The following OSTN variants were observed in gnomAD, a reference collection of about 807,000 sequenced individuals.
OSTN encodes osteocrin.
OSTN carries 9 observed loss-of-function variants against 12.0 expected under a neutral mutation model. The ratio of observed to expected loss-of-function variants is 0.75; its 90% CI spans 0.45 to 1.30. The LOEUF (loss-of-function observed/expected upper bound fraction) is 1.30. Ranked by LOEUF, OSTN falls within the 50% of genes most tolerant of loss-of-function variation. The probability of loss-of-function intolerance (pLI) is 0.00; values close to 1 mark genes in which losing one functional copy is unlikely to be tolerated. For synonymous variants in OSTN, 59 were observed against 56.9 expected (o/e 1.04, Z -0.16); for missense variants, 148 against 152.3 (o/e 0.97, Z 0.15).
intron 2 of OSTN, among the ~76,000 whole-genome samples, chr3:191,218,203 A>C (rs1714670007): frequency 1.3e-5 from 2 of 152,218 alleles, no homozygotes; most frequent in Admixed American, 6.5e-5. Context: ...TAAATATGCT[A>C]AATTTTAAAG....
chr3:191,247,330 T>A (rs184423599), intron 3 of OSTN, among the ~76,000 whole-genome samples: 1 of 152,314 alleles, frequency 6.6e-6, no homozygotes. Context: ...TAATTTTTCA[T>A]CAAGAAATGT....
chr3:191,222,792 A>G (rs903830169), intron 3 of OSTN, among the ~76,000 whole-genome samples: 1 of 151,878 alleles, frequency 6.6e-6, no homozygotes, highest in Non-Finnish European at 1.5e-5. Flanking sequence ...GACCAGTGGG[A>G]GGTAATTGAA....
chr3:191,238,446 G>A (rs890829258), intron 3 of OSTN, among the ~76,000 whole-genome samples: 1 of 152,106 alleles, frequency 6.6e-6, no homozygotes, highest in Admixed American at 6.5e-5. Flanking sequence ...GAAGTAGAGG[G>A]AAAAGTCAAT....
intron 2 of OSTN, among the ~76,000 whole-genome samples, chr3:191,218,430 T>TGG (rs1714676980): frequency 6.6e-6 from 1 of 152,134 alleles, no homozygotes; most frequent in African/African-American, 2.4e-5. Flanking sequence ...GAGACCAGCC[T>TGG]GGCCAACATG....
chr3:191,224,307 C>T (rs909828098), intron 3 of OSTN, among the ~76,000 whole-genome samples: 1 of 149,702 alleles, frequency 6.7e-6, no homozygotes, highest in Non-Finnish European at 1.5e-5. Context: ...AGAATGGCAG[C>T]AGAGGTTGCA....
intron 1 of OSTN, 109 bp from the exon 2 acceptor site, chr3:191,212,424 C>T (rs996661797): frequency 6.7e-6 from 3 of 446,376 alleles, no homozygotes; most frequent in African/African-American, 2.0e-5. Context: ...ATACTGAAGC[C>T]GAATAATTTG....
intron 4 of OSTN, among the ~76,000 whole-genome samples, chr3:191,253,271 CA>C (rs1715600284): frequency 6.6e-6 from 1 of 152,184 alleles, no homozygotes; most frequent in Non-Finnish European, 1.5e-5. Flanking sequence ...TTCACTTTAA[CA>C]CTTCCTATTA....
At chr3:191,223,786 T>C (rs1468294832) in intron 3 of OSTN, among the ~76,000 whole-genome samples, 2 of 152,118 alleles carry the variant, frequency 1.3e-5, no homozygotes, top group Non-Finnish European at 2.9e-5. Flanking sequence ...AGAGAAATCC[T>C]GTATGTAATA....
intron 3 of OSTN, among the ~76,000 whole-genome samples, chr3:191,247,091 A>T (rs546261468): frequency 1.3e-5 from 2 of 152,332 alleles, no homozygotes; most frequent in South Asian, 2.1e-4. Context: ...CACGAGGAAA[A>T]TAACTGCGTA....
intron 3 of OSTN, among the ~76,000 whole-genome samples, chr3:191,242,709 G>A (rs879397040): frequency 2.0e-5 from 3 of 151,968 alleles, no homozygotes; most frequent in Non-Finnish European, 4.4e-5. Flanking sequence ...TAATTTCAAC[G>A]TATTAAAAAC....
chr3:191,229,121 G>A (rs1714986478), intron 3 of OSTN, among the ~76,000 whole-genome samples: 3 of 152,216 alleles, frequency 2.0e-5, no homozygotes. Context: ...AATCCAGACT[G>A]TGGGAAACTA....
chr3:191,207,310 G>C (rs1389437066), intron 1 of OSTN, among the ~76,000 whole-genome samples: 2 of 152,016 alleles, frequency 1.3e-5, no homozygotes, highest in Non-Finnish European at 2.9e-5. Context: ...ATTTCTAATT[G>C]TTGGATCAAC....
At position 191,254,212 on chromosome 3, in the gene OSTN, C is replaced by T. The variant is rs116226880; in HGVS notation, c.*12+4079C>T. Among the ~76,000 whole-genome samples, 1,498 of 152,156 alleles carry T rather than the reference C, an allele frequency of 9.8e-3. 11 individuals are homozygous for T. The highest frequency in any genetic ancestry group is 0.016 in the Non-Finnish European group (1,078 of 67,984). On this transcript the variant is annotated intron_variant, in intron 4 of 4. Transcript: ENST00000682035. ...GTATTTCTAAGGAAATAGAAAAAAA[C>T]AAGGGTTAAACAGAGGTTAAAAACT... is the stretch of plus-strand genomic sequence containing the variant.
At chr3:191,230,979 G>A (rs1298825020) in intron 3 of OSTN, among the ~76,000 whole-genome samples, 3 of 152,134 alleles carry the variant, frequency 2.0e-5, no homozygotes, top group African/African-American at 4.8e-5. Flanking sequence ...TACGGGCTTC[G>A]GAAGTTGAGA....
chr3:191,236,538 G>C (rs569956249), intron 3 of OSTN, among the ~76,000 whole-genome samples: 1 of 151,168 alleles, frequency 6.6e-6, no homozygotes, highest in South Asian at 2.1e-4. Context: ...TTATATATAA[G>C]ATAATAACGC....
chr3:191,242,363 T>G (rs908246613), intron 3 of OSTN, among the ~76,000 whole-genome samples: 2 of 152,212 alleles, frequency 1.3e-5, no homozygotes, highest in South Asian at 4.1e-4. Context: ...ATAGTAAGAC[T>G]CAATATCATA....
chr3:191,200,200 T>A (rs924641317), intron 1 of OSTN, among the ~76,000 whole-genome samples: 1 of 152,192 alleles, frequency 6.6e-6, no homozygotes, highest in African/African-American at 2.4e-5. Context: ...ACTTTGGTAC[T>A]ACTCTTCAGC....
In OSTN at chr3:191,262,871, A is replaced by T. The variant is rs944239414; in HGVS notation, c.*18A>T. On this transcript the variant is annotated 3_prime_UTR_variant, in exon 5 of 5. Coordinates refer to ENST00000682035, the MANE Select transcript of OSTN (RefSeq NM_198184.2). ...CTCAACTTTCGTTTTTGCAGATGCAACTTCCTTGGGTGAAATGTCACAGCA... is the reference window on the plus strand; with the variant it reads ...CTCAACTTTCGTTTTTGCAGATGCATCTTCCTTGGGTGAAATGTCACAGCA... 10 of 702,080 alleles carry T rather than the reference A, an allele frequency of 1.4e-5. No homozygotes were observed. The highest frequency in any genetic ancestry group is 2.3e-5 in the Non-Finnish European group (9 of 384,512). The allele number at this position is 702,080 out of a possible 1,614,324, so 43.5% of individuals were successfully genotyped here.
At chr3:191,225,370 CAGG>C (rs957176652) in intron 3 of OSTN, among the ~76,000 whole-genome samples, 4 of 152,096 alleles carry the variant, frequency 2.6e-5, no homozygotes, top group African/African-American at 9.7e-5. Context: ...GATATTTTCA[CAGG>C]AGAATTTTAC....
Sources: allele counts gnomAD v4.1 joint callset (sites outside exome capture counted in the v4.1 genomes callset), GRCh38; gene constraint gnomAD v4.1.1; transcripts MANE v1.5; gene names NCBI Gene and HGNC (gene_info 2026-07-23, HGNC 2026-07-21).